The following FGFRL1 variants were observed in gnomAD, a reference collection of about 807,000 sequenced individuals.
FGFRL1 encodes the protein fibroblast growth factor receptor like 1.
A neutral mutation model predicts 36.8 loss-of-function variants in FGFRL1; 24 were observed. The ratio of observed to expected loss-of-function variants is 0.65; its 90% CI spans 0.47 to 0.92. The LOEUF (loss-of-function observed/expected upper bound fraction) is 0.92, where lower values mean the gene tolerates loss of function less well. Among genes scored for constraint, FGFRL1 ranks in the 40% least tolerant of loss-of-function variants. The probability of loss-of-function intolerance (pLI) is 0.00; values close to 1 mark genes in which losing one functional copy is unlikely to be tolerated. For synonymous variants in FGFRL1, 422 were observed against 344.1 expected (o/e 1.23, Z -2.50); for missense variants, 785 against 753.4 (o/e 1.04, Z -0.49).
At position 1,026,714 on chromosome 4, in the gene FGFRL1, C is replaced by T. The variant is rs1716558020; in HGVS notation, c.*1367C>T. 2 of 392,040 alleles carry T rather than the reference C, an allele frequency of 5.1e-6. No individual in the cohort carries two copies. The highest frequency in any genetic ancestry group is 6.5e-5 in the Admixed American group (2 of 30,906). The allele number at this position is 392,040 out of a possible 1,614,324, so 24.3% of individuals were successfully genotyped here. A position where few individuals can be genotyped will look rare whatever the true frequency, so the allele number is the denominator to read the frequency against. On this transcript the variant is annotated 3_prime_UTR_variant, in exon 7 of 7. Coordinates refer to ENST00000510644, the MANE Select transcript of FGFRL1 (RefSeq NM_001004356.3). ...TGGGTTGCAGGGACTGTGGTCTCTC[C>T]TGGGGCCCGGGACCCGCCTGGTCTT... is the stretch of plus-strand genomic sequence containing the variant.
chr4:1,025,514 C>T lies in FGFRL1; in HGVS notation c.*167C>T. The T allele has an allele frequency of 1.3e-6, 1 of 794,756 alleles. No individual in the cohort carries two copies. The highest frequency in any genetic ancestry group is 1.8e-5 in the South Asian group (1 of 54,252). The allele number at this position is 794,756 out of a possible 1,614,324, so 49.2% of individuals were successfully genotyped here. ...TAGCCCCTGGACACACACACACAGA[C>T]ACACACACTGCCTGGATGCATGTAT... On this transcript the variant is annotated 3_prime_UTR_variant, in exon 7 of 7. Coordinates refer to ENST00000510644, the MANE Select transcript of FGFRL1 (RefSeq NM_001004356.3).
chr4:1,011,232 C>G (rs1320552352), upstream of FGFRL1: 1 of 152,288 alleles, frequency 6.6e-6, no homozygotes, highest in Non-Finnish European at 1.5e-5. Flanking sequence ...GGGCCGGAGC[C>G]TGCTCTGGGG....
intron 2 of FGFRL1, among the ~76,000 whole-genome samples, chr4:1,012,967 G>T (rs201740424): frequency 1.3e-5 from 2 of 152,238 alleles, no homozygotes; most frequent in South Asian, 2.1e-4. Context: ...AGACCCCCAC[G>T]GAAGGCAGGA....
chr4:1,024,725 G>T, intron 6 of FGFRL1, 61 bp downstream of exon 6: 1 of 1,507,140 alleles, frequency 6.6e-7, no homozygotes, highest in South Asian at 1.3e-5. Context: ...CCTGGGCCCG[G>T]CGTCCCACCC....
intron 2 of FGFRL1, among the ~76,000 whole-genome samples, chr4:1,015,221 G>A (rs990970875): frequency 6.6e-6 from 1 of 152,210 alleles, no homozygotes; most frequent in Non-Finnish European, 1.5e-5. Flanking sequence ...CAGGGCCTCC[G>A]CCAGTGACTC....
rs1715775660 is a variant in FGFRL1 at position 1,014,413 on chromosome 4, A to AGAAGT, written c.79+1851_79+1855dup. ...AAGGAAGTCGTTTCAGGGCTTTCTGAGAAGTGCCACCTTTGAACTTTTGCA... is the reference window on the plus strand; with the variant it reads ...AAGGAAGTCGTTTCAGGGCTTTCTGAGAAGTGAAGTGCCACCTTTGAACTTTTGCA... On this transcript the variant is annotated intron_variant, in intron 2 of 6. Transcript: ENST00000510644. 7.2e-5 allele frequency among the ~76,000 whole-genome samples: 11 copies of AGAAGT among 152,286 alleles called. No individual in the cohort carries two copies. In the South Asian group the frequency reaches 2.3e-3, roughly 32 times the overall value.
intron 2 of FGFRL1, among the ~76,000 whole-genome samples, chr4:1,017,542 G>A (rs1014240436): frequency 1.3e-5 from 2 of 152,336 alleles, no homozygotes; most frequent in Admixed American, 6.5e-5. Context: ...AGTCCCGTCC[G>A]ACCTGGGCAG....
At chr4:1,017,734 T>C (rs1252558598) in intron 2 of FGFRL1, among the ~76,000 whole-genome samples, 1 of 152,144 alleles carries the variant, frequency 6.6e-6, no homozygotes, top group East Asian at 1.9e-4. Context: ...TGCCTGGGTG[T>C]CTCTCCCTGT....
At chr4:1,012,386 AC>A in intron 1 of FGFRL1, 83 bp from the exon 2 acceptor site, 1 of 1,496,652 alleles carries the variant, frequency 6.7e-7, no homozygotes, top group Non-Finnish European at 8.9e-7. Flanking sequence ...GGGCGGCCAG[AC>A]CCCTGATCCC....
At chr4:1,012,860 G>C (rs1035841556) in intron 2 of FGFRL1, among the ~76,000 whole-genome samples, 1 of 152,250 alleles carries the variant, frequency 6.6e-6, no homozygotes, top group East Asian at 1.9e-4. Context: ...TTTCATACTC[G>C]TACCTGCAGT....
At position 1,023,997 on chromosome 4, in the gene FGFRL1, C is replaced by T. The variant is rs773316252; in HGVS notation, c.614C>T (p.Thr205Ile). Residue 205 changes from threonine (T) to isoleucine (I), a missense_variant, in exon 5 of 7, where the codon ACA (threonine) becomes ATA (isoleucine). Physicochemically the swap from Thr to Ile is moderately conservative, Grantham distance 89 (BLOSUM62 -1). Transcript: ENST00000510644. This position sits in a 1 kb window ranked among gnomAD's most constrained non-coding sequence, Gnocchi z 6.0. ...EAAEPRKKKW[T>I]LSLKNLRPED... ...GCTGAGCCCAGGAAGAAGAAGTGGA[C>T]ACTGAGCCTGAAGAACCTGCGGCCG... 1 of 1,606,808 alleles carries T rather than the reference C, an allele frequency of 6.2e-7. No homozygotes were observed.
chr4:1,026,885 A>C lies in FGFRL1; in HGVS notation c.*1538A>C, dbSNP rs1365512319. 54 of 449,984 alleles carry C rather than the reference A, an allele frequency of 1.2e-4. 1 individual carries two copies. The highest frequency in any genetic ancestry group is 8.6e-4 in the South Asian group (54 of 63,048). The allele number at this position is 449,984 out of a possible 1,614,324, so 27.9% of individuals were successfully genotyped here. ...TTTATTTTGTTAAACATGAAAGTGC[A>C]TCCTTTCCCTCCAGGCTGGTGTTTC... is the stretch of plus-strand genomic sequence containing the variant. On this transcript the variant is annotated 3_prime_UTR_variant, in exon 7 of 7. Transcript: ENST00000510644.
intron 2 of FGFRL1, among the ~76,000 whole-genome samples, chr4:1,017,327 T>C (rs748651): frequency 0.47 from 72,188 of 152,014 alleles, 17,320 homozygotes; most frequent in Middle Eastern, 0.65. Context: ...TGCGGGAACT[T>C]GGGTAGCCGG....
Position 1,024,671 on chromosome 4 carries a change from G to A in FGFRL1, c.1072+7G>A, listed in dbSNP as rs200119815. ...TTCCTCACCGTGCTGCCAGGTGCGC[G>A]GCTGCCACGCCACGCCACACCATGC... is the stretch of plus-strand genomic sequence containing the variant. On this transcript the variant is annotated splice_region_variant and intron_variant, in intron 6 of 6. Coordinates refer to ENST00000510644, the MANE Select transcript of FGFRL1 (RefSeq NM_001004356.3). 6.3e-6 allele frequency: 10 copies of A among 1,590,834 alleles called. No homozygotes were observed. Among genetic ancestry groups the A allele is most frequent in the Admixed American group, 1.7e-5 (1 of 59,288 alleles).
intron 2 of FGFRL1, among the ~76,000 whole-genome samples, chr4:1,013,452 C>A (rs1335223801): frequency 2.0e-5 from 3 of 152,266 alleles, no homozygotes; most frequent in Non-Finnish European, 2.9e-5. Context: ...AAGCGCGCCG[C>A]ATCCAACCTG....
In FGFRL1 at chr4:1,023,372, G is replaced by T. The variant is rs1313697716; in HGVS notation, c.353-269G>T. Among the ~76,000 whole-genome samples the T allele has an allele frequency of 6.6e-6, 1 of 152,016 alleles. No individual in the cohort carries two copies. The highest frequency in any genetic ancestry group is 1.5e-5 in the Non-Finnish European group (1 of 67,944). ...GCCGGGCCCGGCTCCCTCCTCCCCC[G>T]GGGCCTGCAGACCCCCCGGAGCCAG... is the stretch of plus-strand genomic sequence containing the variant. On this transcript the variant is annotated intron_variant, in intron 3 of 6. Coordinates refer to ENST00000510644, the MANE Select transcript of FGFRL1 (RefSeq NM_001004356.3). This position sits in a 1 kb window ranked among gnomAD's most constrained non-coding sequence, Gnocchi z 6.0.
chr4:1,024,894 C>G lies in FGFRL1; in HGVS notation c.1073-11C>G. On this transcript the variant is annotated splice_polypyrimidine_tract_variant and intron_variant, in intron 6 of 6. Transcript: ENST00000510644. ...TTCCCCTCCCTACCTCCTTTCCTCT[C>G]GCTCTTGCAGACCCAAAACCGCCAG... is the stretch of plus-strand genomic sequence containing the variant. 6.3e-7 allele frequency: 1 copy of G among 1,578,344 alleles called. No homozygotes were observed. The highest frequency in any genetic ancestry group is 8.6e-7 in the Non-Finnish European group (1 of 1,166,536).
chr4:1,012,136 C>T (rs1199760089), intron 1 of FGFRL1, 182 bp downstream of exon 1: 3 of 188,900 alleles, frequency 1.6e-5, no homozygotes, highest in Non-Finnish European at 3.2e-5. Flanking sequence ...ACGTGGGCCC[C>T]CCCCAGCGCA....
In FGFRL1 at chr4:1,023,612, C is replaced by A; in HGVS notation, c.353-29C>A. ...GCTCCTCAGGGCCCCCCTCACCTGC[C>A]CTCCCTGTGCACCTCCGTCTCTCTG... is the stretch of plus-strand genomic sequence containing the variant. On this transcript the variant is annotated intron_variant, in intron 3 of 6. Transcript: ENST00000510644. This position sits in a 1 kb window ranked among gnomAD's most constrained non-coding sequence, Gnocchi z 6.0. 1 of 1,571,652 alleles carries A rather than the reference C, an allele frequency of 6.4e-7. No individual in the cohort carries two copies. The highest frequency in any genetic ancestry group is 8.6e-7 in the Non-Finnish European group (1 of 1,159,344).
Sources: allele counts gnomAD v4.1 joint callset (sites outside exome capture counted in the v4.1 genomes callset), GRCh38; gene constraint gnomAD v4.1.1; non-coding constraint Gnocchi (gnomAD v3.1); transcripts MANE v1.5; gene names NCBI Gene and HGNC (gene_info 2026-07-23, HGNC 2026-07-21).